Variants in WWOX observed in about 807,000 individuals in gnomAD.
WWOX encodes the protein WW domain containing oxidoreductase, also known as WW domain-containing oxidoreductase.
Under a neutral mutation model 46.2 loss-of-function variants are expected in WWOX, and 69 were observed. That is an observed-to-expected ratio of 1.49 (90% CI 1.23 to 1.82). The LOEUF (loss-of-function observed/expected upper bound fraction) is 1.82. Ranked by LOEUF, WWOX falls within the 40% of genes most tolerant of loss-of-function variation. The pLI, the probability that WWOX is intolerant of heterozygous loss-of-function variation, is 0.00. For missense variants in WWOX, 919 were observed against 542.6 expected, an observed-to-expected ratio of 1.69 and a Z score of -6.89; for synonymous variants, 359 against 202.6, an observed-to-expected ratio of 1.77 and a Z score of -6.56.
rs1013894439 is a variant in WWOX at position 78,342,877 on chromosome 16, C to G, written c.517-43983C>G. Among the ~76,000 whole-genome samples, 4 of 120,666 alleles carry G rather than the reference C, an allele frequency of 3.3e-5. 1 individual carries two copies. The highest frequency in any genetic ancestry group is 1.1e-4 in the African/African-American group (4 of 35,642). The allele number at this position is 120,666 out of a possible 152,430, so 79.2% of individuals were successfully genotyped here. On this transcript the variant is annotated intron_variant, in intron 5 of 8. Transcript: ENST00000566780. ...CTTAGTGAGGGGACCCAGAATGATC[C>G]CTTTTGTGCTAGAGGATCTGAGTTC... is the stretch of plus-strand genomic sequence containing the variant.
At chr16:79,021,379 C>T (rs932457412) in intron 8 of WWOX, among the ~76,000 whole-genome samples, 2 of 152,096 alleles carry the variant, frequency 1.3e-5, no homozygotes, top group African/African-American at 4.8e-5. Flanking sequence ...GTCACGGACC[C>T]CTTGGGCATT....
intron 5 of WWOX, among the ~76,000 whole-genome samples, chr16:78,258,911 C>G (rs148814014): frequency 2.0e-5 from 3 of 152,308 alleles, no homozygotes; most frequent in African/African-American, 7.2e-5. Flanking sequence ...ACAGAGTTCA[C>G]TTCCCTGCCT....
At chr16:78,952,967 C>G (rs2046092098) in intron 8 of WWOX, among the ~76,000 whole-genome samples, 1 of 151,950 alleles carries the variant, frequency 6.6e-6, no homozygotes, top group Non-Finnish European at 1.5e-5. Flanking sequence ...TTCAGCAAAA[C>G]CACACAATGC....
chr16:78,758,885 C>T (rs2049722024), intron 8 of WWOX, among the ~76,000 whole-genome samples: 2 of 150,238 alleles, frequency 1.3e-5, no homozygotes, highest in South Asian at 4.2e-4. Context: ...GGAAGAGAAT[C>T]TTCTTCCCAA....
intron 3 of WWOX, 72 bp downstream of exon 3, chr16:78,109,907 A>G: frequency 6.7e-7 from 1 of 1,487,262 alleles, no homozygotes; most frequent in South Asian, 1.2e-5. Context: ...TAAAAGTAAT[A>G]CATAGTAACT....
intron 5 of WWOX, among the ~76,000 whole-genome samples, chr16:78,194,805 C>G (rs925364335): frequency 6.6e-6 from 1 of 152,106 alleles, no homozygotes; most frequent in Non-Finnish European, 1.5e-5. Flanking sequence ...AACTCCCGAT[C>G]CTTTTAAACT....
At chr16:79,135,020 C>T (rs954856997) in intron 8 of WWOX, among the ~76,000 whole-genome samples, 1 of 152,136 alleles carries the variant, frequency 6.6e-6, no homozygotes, top group Admixed American at 6.5e-5. Flanking sequence ...TTATGCTGTT[C>T]ATTGGATTAA....
At chr16:78,121,543 C>G (rs573053268) in intron 4 of WWOX, among the ~76,000 whole-genome samples, 5 of 152,248 alleles carry the variant, frequency 3.3e-5, no homozygotes, top group East Asian at 1.9e-4. Flanking sequence ...TAATGAGCAT[C>G]ATCTCATAAT....
At chr16:78,968,840 A>G (rs2046414405) in intron 8 of WWOX, among the ~76,000 whole-genome samples, 1 of 152,168 alleles carries the variant, frequency 6.6e-6, no homozygotes, top group South Asian at 2.1e-4. Context: ...AGCCATTTGC[A>G]AAGTGCAGTA....
At chr16:78,476,118 T>C (rs1271084279) in intron 8 of WWOX, among the ~76,000 whole-genome samples, 1 of 152,110 alleles carries the variant, frequency 6.6e-6, no homozygotes, top group African/African-American at 2.4e-5. Context: ...TCCAGGCAAA[T>C]CTTGCCTGTG....
In WWOX at chr16:78,379,716, G is replaced by A. The variant is rs115945600; in HGVS notation, c.517-7144G>A. ...ATGGCGAGAAATGGGATAGGAGAGC[G>A]AACTCACTGATACCCTCCCAGCTAA... On this transcript the variant is annotated intron_variant, in intron 5 of 8. Coordinates refer to ENST00000566780, the MANE Select transcript of WWOX (RefSeq NM_016373.4). Among the ~76,000 whole-genome samples, 1,253 of 152,222 alleles carry A rather than the reference G, an allele frequency of 8.2e-3. 19 individuals are homozygous for A. The highest frequency in any genetic ancestry group is 0.026 in the African/African-American group (1,087 of 41,520).
At chr16:78,547,187 C>A (rs117615826) in intron 8 of WWOX, among the ~76,000 whole-genome samples, 275 of 147,176 alleles carry the variant, frequency 1.9e-3, no homozygotes, top group Non-Finnish European at 3.6e-3. Context: ...GGAATGTCTG[C>A]CAGTTTCAAC....
intron 8 of WWOX, among the ~76,000 whole-genome samples, chr16:78,635,414 C>G (rs1037646490): frequency 6.6e-6 from 1 of 151,978 alleles, no homozygotes; most frequent in Non-Finnish European, 1.5e-5. Flanking sequence ...ACTAGGGGAG[C>G]GCTAATGTGT....
At chr16:78,948,708 C>T (rs2045997526) in intron 8 of WWOX, among the ~76,000 whole-genome samples, 1 of 152,090 alleles carries the variant, frequency 6.6e-6, no homozygotes. Flanking sequence ...TGGTGGTAGG[C>T]AGAACTTTGG....
chr16:78,155,143 C>G (rs2034555537), intron 4 of WWOX, among the ~76,000 whole-genome samples: 1 of 149,008 alleles, frequency 6.7e-6, no homozygotes, highest in African/African-American at 2.5e-5. Flanking sequence ...ATGCTGGCAA[C>G]TAATTCAAAT....
At chr16:78,146,419 G>C (rs2151714513) in intron 4 of WWOX, among the ~76,000 whole-genome samples, 1 of 152,224 alleles carries the variant, frequency 6.6e-6, no homozygotes, top group South Asian at 2.1e-4. Flanking sequence ...GCGGGGTGAG[G>C]GGAATGAAAC....
rs1266170120 is a variant in WWOX, at chr16:78,953,762, T to A, written c.1057-257846T>A. 4.6e-5 allele frequency among the ~76,000 whole-genome samples: 7 copies of A among 152,340 alleles called. No individual in the cohort carries two copies. In the East Asian group the frequency reaches 1.2e-3, roughly 25 times the overall value. The stretch of plus-strand genomic sequence containing the variant: ...CTGCTCTCATCACCTGGTTTCAAAG[T>A]CGAGCCAGACGTTCTGTCTCAGCTC... On this transcript the variant is annotated intron_variant, in intron 8 of 8. Transcript: ENST00000566780.
intron 8 of WWOX, among the ~76,000 whole-genome samples, chr16:79,031,915 T>A (rs1473065367): frequency 2.3e-5 from 3 of 128,996 alleles, no homozygotes; most frequent in Non-Finnish European, 5.2e-5. Flanking sequence ...TATATAGATA[T>A]CTATATATAT....
At chr16:78,602,368 G>A (rs2045641821) in intron 8 of WWOX, among the ~76,000 whole-genome samples, 1 of 152,112 alleles carries the variant, frequency 6.6e-6, no homozygotes, top group South Asian at 2.1e-4. Flanking sequence ...GAGTAGCTGG[G>A]ACTAAAGGCA....
Sources: allele counts gnomAD v4.1 joint callset (sites outside exome capture counted in the v4.1 genomes callset), GRCh38; gene constraint gnomAD v4.1.1; transcripts MANE v1.5; gene names NCBI Gene and HGNC (gene_info 2026-07-23, HGNC 2026-07-21).